Variants in ODF1 observed in about 807,000 individuals in gnomAD.
The protein encoded by ODF1 is outer dense fiber of sperm tails 1.
In ODF1, 10 loss-of-function variants were observed where a neutral mutation model predicts 24.0. The observed-to-expected ratio is 0.42, with a 90% confidence interval of 0.26 to 0.71. The LOEUF is 0.71. ODF1 is among the 30% of genes least tolerant of loss of function. The pLI is 0.28. For synonymous variants in ODF1, 118 were observed against 121.3 expected (o/e 0.97, Z 0.18); for missense variants, 282 against 307.9 (o/e 0.92, Z 0.63).
At chr8:102,559,651 C>A (rs1452268285) in intron 1 of ODF1, among the ~76,000 whole-genome samples, 1 of 151,588 alleles carries the variant, frequency 6.6e-6, no homozygotes, top group Non-Finnish European at 1.5e-5. Context: ...CTAGTGCTAG[C>A]TGTCCAGAGG....
intron 1 of ODF1, 61 bp from the exon 2 acceptor site, chr8:102,560,391 A>G (rs988141915): frequency 2.7e-6 from 4 of 1,478,448 alleles, no homozygotes; most frequent in Non-Finnish European, 3.7e-6. Context: ...TTGCTTCTCA[A>G]GCTGTGTCTG....
At position 102,560,890 on chromosome 8, in the gene ODF1, G is replaced by T. The variant is rs761633484; in HGVS notation, c.*6G>T. 1.3e-5 allele frequency: 21 copies of T among 1,596,480 alleles called. No individual in the cohort carries two copies. The South Asian group carries it at 2.1e-4, about 16-fold the overall frequency. On this transcript the variant is annotated 3_prime_UTR_variant, in exon 2 of 2. Transcript: ENST00000285402. ...GTAGGAAGATGATTTTGTAAAGTGC[G>T]CATAGGAACCCATTACTTAATAGAA... is the stretch of plus-strand genomic sequence containing the variant.
In ODF1 at chr8:102,557,827, C is replaced by T. The variant is rs111426526; in HGVS notation, c.321-2625C>T. 1.6e-3 allele frequency among the ~76,000 whole-genome samples: 238 copies of T among 152,306 alleles called. 2 individuals are homozygous for T. Among genetic ancestry groups the T allele is most frequent in the African/African-American group, 5.4e-3 (223 of 41,560 alleles). On this transcript the variant is annotated intron_variant, in intron 1 of 1. Transcript: ENST00000285402. The stretch of plus-strand genomic sequence containing the variant: ...TTTGATTCTCAGACCATGCACACAC[C>T]GTGGGAGAGTCTTGAAAGGCCCAGA...
intron 1 of ODF1, 31 bp from the exon 2 acceptor site, chr8:102,560,421 C>G (rs1826164310): frequency 1.3e-6 from 2 of 1,595,560 alleles, no homozygotes; most frequent in Non-Finnish European, 1.7e-6. Context: ...GTCTGAGCTC[C>G]CTCCCACCCT....
intron 1 of ODF1, among the ~76,000 whole-genome samples, chr8:102,555,401 C>T (rs1393679172): frequency 6.6e-6 from 1 of 152,206 alleles, no homozygotes; most frequent in Non-Finnish European, 1.5e-5. Context: ...TGATTTACAG[C>T]TGTACTCTTT....
At chr8:102,559,387 G>A (rs1463676981) in intron 1 of ODF1, among the ~76,000 whole-genome samples, 1 of 151,704 alleles carries the variant, frequency 6.6e-6, no homozygotes, top group Non-Finnish European at 1.5e-5. Flanking sequence ...TAGCAACAAG[G>A]TAGGAACCAC....
At chr8:102,558,386 G>A (rs896107790) in intron 1 of ODF1, among the ~76,000 whole-genome samples, 3 of 152,110 alleles carry the variant, frequency 2.0e-5, no homozygotes, top group Admixed American at 6.5e-5. Context: ...CCTGGGAGGC[G>A]GAGCTTGCAG....
chr8:102,552,555 C>T (rs1169423192), intron 1 of ODF1, among the ~76,000 whole-genome samples: 1 of 152,058 alleles, frequency 6.6e-6, no homozygotes, highest in African/African-American at 2.4e-5. Flanking sequence ...TCCTATCCCC[C>T]CACTCCAGGC....
chr8:102,553,013 TAGATGATA>T (rs148489319), intron 1 of ODF1, among the ~76,000 whole-genome samples: 42,178 of 133,838 alleles, frequency 0.32, 6,045 homozygotes, highest in Middle Eastern at 0.48. Context: ...GATAGATAGA[TAGATGATA>T]GATAGATAGA....
At chr8:102,559,721 C>T (rs546368285) in intron 1 of ODF1, among the ~76,000 whole-genome samples, 1 of 151,474 alleles carries the variant, frequency 6.6e-6, no homozygotes, top group Non-Finnish European at 1.5e-5. Flanking sequence ...TCACACAACA[C>T]CAGCCTGGGC....
intron 1 of ODF1, among the ~76,000 whole-genome samples, chr8:102,558,574 A>G (rs1826141030): frequency 6.6e-6 from 1 of 152,230 alleles, no homozygotes; most frequent in African/African-American, 2.4e-5. Context: ...ATCATTTTAT[A>G]ATTAGCCACT....
chr8:102,556,516 C>T (rs1826114045), intron 1 of ODF1, among the ~76,000 whole-genome samples: 2 of 151,020 alleles, frequency 1.3e-5, no homozygotes, highest in Admixed American at 6.6e-5. Flanking sequence ...GGTGTGATCT[C>T]GGCTCACTGC....
At chr8:102,556,427 GTT>G (rs1563939427) in intron 1 of ODF1, among the ~76,000 whole-genome samples, 2 of 113,574 alleles carry the variant, frequency 1.8e-5, no homozygotes, top group Non-Finnish European at 3.9e-5. Context: ...TTTTGTTGTT[GTT>G]GTTGTTTTGT....
At position 102,560,881 on chromosome 8, in the gene ODF1, G is replaced by A; in HGVS notation, c.750G>A (p.Leu250=). The change falls in exon 2 of 2, where the codon TTG becomes TTA. Residue 250 remains leucine (L), a synonymous_variant. Coordinates refer to ENST00000285402, the MANE Select transcript of ODF1 (RefSeq NM_024410.4). ...GATTTTCCTGTAGGAAGATGATTTTGTAAAGTGCGCATAGGAACCCATTAC... is the reference window on the plus strand; with the variant it reads ...GATTTTCCTGTAGGAAGATGATTTTATAAAGTGCGCATAGGAACCCATTAC... ...GSRFSCRKMI[L] The A allele has an allele frequency of 1.2e-6, 2 of 1,607,336 alleles. No homozygotes were observed. Among genetic ancestry groups the A allele is most frequent in the Non-Finnish European group, 1.7e-6 (2 of 1,176,214 alleles).
intron 1 of ODF1, among the ~76,000 whole-genome samples, chr8:102,555,678 G>T (rs761130596): frequency 1.1e-4 from 16 of 152,186 alleles, no homozygotes; most frequent in Non-Finnish European, 2.4e-4. Flanking sequence ...CCTTGCCCAG[G>T]TCTAAGCCCT....
intron 1 of ODF1, among the ~76,000 whole-genome samples, chr8:102,553,017 T>TA (rs57642682): frequency 0.24 from 22,846 of 93,684 alleles, 1,885 homozygotes; most frequent in African/African-American, 0.26. Flanking sequence ...GATAGATAGA[T>TA]GATAGATAGA....
chr8:102,559,354 A>T (rs1176015030), intron 1 of ODF1, among the ~76,000 whole-genome samples: 1 of 151,632 alleles, frequency 6.6e-6, no homozygotes, highest in African/African-American at 2.4e-5. Flanking sequence ...TTTATTAAGG[A>T]TTTACACAAT....
chr8:102,551,877 C>T lies in ODF1; in HGVS notation c.150C>T (p.His50=), dbSNP rs749325863. The change falls in exon 1 of 2, where the codon CAC becomes CAT. Residue 50 remains histidine, a synonymous_variant. Coordinates refer to ENST00000285402, the MANE Select transcript of ODF1 (RefSeq NM_024410.4). ...YMHPYCCCDL[H]PYPYCLCYSK... ...ACCCCTATTGCTGCTGTGACTTGCA[C>T]CCATATCCGTACTGCTTGTGCTATT... is the stretch of plus-strand genomic sequence containing the variant. 3.1e-6 allele frequency: 5 copies of T among 1,614,108 alleles called. No individual in the cohort carries two copies. In the Admixed American group the frequency reaches 8.3e-5, roughly 27 times the overall value.
intron 1 of ODF1, among the ~76,000 whole-genome samples, chr8:102,558,645 C>T (rs1826142065): frequency 6.6e-6 from 1 of 152,002 alleles, no homozygotes. Flanking sequence ...GTTATCTAAT[C>T]ATGTTAGGGC....
Sources: gnomAD v4.1 joint callset for allele counts (sites outside exome capture counted in the v4.1 genomes callset) on GRCh38, gnomAD v4.1.1 for gene constraint, MANE v1.5 for transcripts, NCBI Gene and HGNC (gene_info 2026-07-23, HGNC 2026-07-21) for gene names.